Variants in ZFHX3 observed in about 807,000 individuals in gnomAD.
ZFHX3 encodes the protein zinc finger homeobox protein 3.
In ZFHX3, 42 loss-of-function variants were observed where a neutral mutation model predicts 279.1. The ratio of observed to expected loss-of-function variants is 0.15; its 90% CI spans 0.12 to 0.19. The LOEUF (loss-of-function observed/expected upper bound fraction) is 0.19, where lower values mean the gene tolerates loss of function less well. Ranked by LOEUF, ZFHX3 falls within the 10% of genes least tolerant of loss-of-function variation. The pLI is 1.00. For missense variants in ZFHX3, 4,981 were observed against 4,754.0 expected (o/e 1.05, Z -1.40); for synonymous variants, 2,293 against 1,957.8 (o/e 1.17, Z -4.52).
intron 1 of ZFHX3, among the ~76,000 whole-genome samples, chr16:73,859,931 G>A (rs1163155555): frequency 6.6e-6 from 1 of 152,152 alleles, no homozygotes. Context: ...TGCAGCAGGG[G>A]CGGCCTGTAG....
intron 2 of ZFHX3, among the ~76,000 whole-genome samples, chr16:73,607,068 G>A (rs2143874322): frequency 6.6e-6 from 1 of 152,216 alleles, no homozygotes; most frequent in African/African-American, 2.4e-5. Context: ...TTTGATCGTT[G>A]CCCAGGCTGG....
chr16:73,879,360 T>G (rs1253076960), intron 1 of ZFHX3, among the ~76,000 whole-genome samples: 1 of 151,666 alleles, frequency 6.6e-6, no homozygotes, highest in African/African-American at 2.4e-5. Flanking sequence ...TATGTTCTTA[T>G]GCGGTATGGG....
chr16:73,188,298 G>A (rs531974546), intron 5 of ZFHX3, among the ~76,000 whole-genome samples: 4 of 152,274 alleles, frequency 2.6e-5, no homozygotes, highest in East Asian at 1.9e-4. Context: ...GGGCTGCAGC[G>A]ATCCTCCGGC....
At chr16:73,406,157 G>C (rs922398360) in intron 3 of ZFHX3, among the ~76,000 whole-genome samples, 1 of 152,216 alleles carries the variant, frequency 6.6e-6, no homozygotes, top group South Asian at 2.1e-4. Flanking sequence ...AGAACGCCCC[G>C]AACTAATTCC....
intron 2 of ZFHX3, among the ~76,000 whole-genome samples, chr16:73,604,521 A>T (rs1050464772): frequency 1.3e-5 from 2 of 152,078 alleles, no homozygotes; most frequent in African/African-American, 4.8e-5. Context: ...TGAGGTGGGC[A>T]GATCATGAGG....
chr16:73,149,659 T>C (rs1966893569), intron 5 of ZFHX3, among the ~76,000 whole-genome samples: 1 of 152,234 alleles, frequency 6.6e-6, no homozygotes, highest in African/African-American at 2.4e-5. Context: ...CTACTCCGTC[T>C]CTGACTGCTC....
rs111882824 is a variant in ZFHX3, at chr16:72,812,287, A to C, written c.3530-249T>G. The stretch of plus-strand genomic sequence containing the variant: ...TTAGGAAAAGAAGGCAAAGAAATGG[A>C]ATAAAAGGCTCTGGAGTTGGATTAA... On this transcript the variant is annotated intron_variant, in intron 5 of 9. Transcript: ENST00000268489. Among the ~76,000 whole-genome samples the C allele has an allele frequency of 5.7e-3, 870 of 152,310 alleles. 6 individuals carry two copies. Among genetic ancestry groups the C allele is most frequent in the Non-Finnish European group, 8.9e-3 (608 of 68,028 alleles).
At chr16:73,432,839 G>C (rs1310804018) in intron 3 of ZFHX3, among the ~76,000 whole-genome samples, 2 of 152,076 alleles carry the variant, frequency 1.3e-5, no homozygotes, top group Non-Finnish European at 2.9e-5. Context: ...CGGATAGATG[G>C]GTTTTATTGA....
intron 2 of ZFHX3, among the ~76,000 whole-genome samples, chr16:73,467,045 T>C (rs996668862): frequency 6.6e-6 from 1 of 152,182 alleles, no homozygotes; most frequent in Non-Finnish European, 1.5e-5. Flanking sequence ...AGGAAGGCTA[T>C]GCTGCAGAGC....
chr16:73,443,587 T>C (rs2018133159), intron 3 of ZFHX3, among the ~76,000 whole-genome samples: 1 of 152,208 alleles, frequency 6.6e-6, no homozygotes, highest in Admixed American at 6.5e-5. Flanking sequence ...AAGGTCAGCA[T>C]TTTCAGCCTT....
chr16:73,433,706 G>A (rs949383652), intron 3 of ZFHX3, among the ~76,000 whole-genome samples: 2 of 152,152 alleles, frequency 1.3e-5, no homozygotes, highest in African/African-American at 2.4e-5. Flanking sequence ...CTGGGGTTAC[G>A]AGGCAGACGC....
intron 1 of ZFHX3, among the ~76,000 whole-genome samples, chr16:72,995,951 G>A (rs1963268200): frequency 6.6e-6 from 1 of 152,136 alleles, no homozygotes; most frequent in South Asian, 2.1e-4. Context: ...GTCCTATCTT[G>A]GTAATTATGA....
intron 4 of ZFHX3, among the ~76,000 whole-genome samples, chr16:73,258,923 T>C (rs2013739159): frequency 6.6e-6 from 1 of 152,228 alleles, no homozygotes; most frequent in Non-Finnish European, 1.5e-5. Context: ...ACCTGAGTAG[T>C]CTCATAAATA....
intron 1 of ZFHX3, among the ~76,000 whole-genome samples, chr16:73,778,385 A>G (rs924830855): frequency 3.3e-5 from 5 of 152,160 alleles, no homozygotes; most frequent in South Asian, 2.1e-4. Flanking sequence ...TGAGATTTCA[A>G]TTTCTCTGTT....
chr16:73,065,815 A>G (rs543218251), intron 8 of ZFHX3, among the ~76,000 whole-genome samples: 66 of 152,330 alleles, frequency 4.3e-4, no homozygotes, highest in African/African-American at 1.6e-3. Flanking sequence ...AAAAAATTCC[A>G]AAGACAATTT....
chr16:73,124,943 G>A (rs1235611633), intron 7 of ZFHX3, among the ~76,000 whole-genome samples: 1 of 152,122 alleles, frequency 6.6e-6, no homozygotes, highest in East Asian at 1.9e-4. Flanking sequence ...GCCTATTTTT[G>A]CCAGTGATCC....
chr16:73,022,965 C>T (rs139734903), intron 1 of ZFHX3, among the ~76,000 whole-genome samples: 1,636 of 152,286 alleles, frequency 0.011, 24 homozygotes, highest in African/African-American at 0.035. Flanking sequence ...CAGTGTCTCA[C>T]GCCTGTAATC....
In ZFHX3 at chr16:73,428,497, T is replaced by C. The variant is rs2017851610; in HGVS notation, c.-1291+27506A>G. Among the ~76,000 whole-genome samples the C allele has an allele frequency of 5.3e-5, 8 of 152,210 alleles. No individual in the cohort carries two copies. In the South Asian group the frequency reaches 1.7e-3, roughly 32 times the overall value. ...GTGAGTTCACCTCTTCCATTACAAA[T>C]GCATTTGCCCCCAGCCACCAGCCAC... On this transcript the variant is annotated intron_variant, in intron 3 of 17. Coordinates refer to the ZFHX3 transcript ENST00000641206.
chr16:73,811,587 G>C (rs563034335), intron 1 of ZFHX3, among the ~76,000 whole-genome samples: 181 of 151,942 alleles, frequency 1.2e-3, no homozygotes, highest in African/African-American at 4.0e-3. Flanking sequence ...TGGGACTACA[G>C]GCACGCGCGC....
Sources: gnomAD v4.1 joint callset for allele counts (sites outside exome capture counted in the v4.1 genomes callset) on GRCh38, gnomAD v4.1.1 for gene constraint, MANE v1.5 for transcripts, NCBI Gene and HGNC (gene_info 2026-07-23, HGNC 2026-07-21) for gene names.